Variants in GMDS observed in about 807,000 individuals in gnomAD.
GMDS encodes GDP-mannose 4,6 dehydratase.
In GMDS, 20 loss-of-function variants were observed where a neutral mutation model predicts 49.9. The ratio of observed to expected loss-of-function variants is 0.40; its 90% CI spans 0.28 to 0.58. The LOEUF is 0.58. Among genes scored for constraint, GMDS ranks in the 20% least tolerant of loss-of-function variants. GMDS has a pLI of 0.42. For missense variants in GMDS, 362 were observed against 481.4 expected, an observed-to-expected ratio of 0.75 and a Z score of 2.32; for synonymous variants, 177 against 178.6, an observed-to-expected ratio of 0.99 and a Z score of 0.07.
Position 1,879,567 on chromosome 6 carries a change from T to C in GMDS, c.771+50536A>G, listed in dbSNP as rs144908435. 3.0e-3 allele frequency among the ~76,000 whole-genome samples: 455 copies of C among 152,218 alleles called. 1 individual carries two copies. The highest frequency in any genetic ancestry group is 0.01 in the African/African-American group (420 of 41,502). ...GAAGACAGAAACCTATTCTTATTTC[T>C]TATTATGTTACCAAAGGTTTTTTTT... is the stretch of plus-strand genomic sequence containing the variant. On this transcript the variant is annotated intron_variant, in intron 7 of 10. Transcript: ENST00000380815.
intron 1 of GMDS, among the ~76,000 whole-genome samples, chr6:2,232,591 C>A (rs1386632083): frequency 6.6e-6 from 1 of 152,162 alleles, no homozygotes; most frequent in Non-Finnish European, 1.5e-5. Flanking sequence ...AGGTAGGAAG[C>A]CACAAAAACC....
chr6:1,692,612 A>T (rs1765212565), intron 9 of GMDS, among the ~76,000 whole-genome samples: 1 of 152,092 alleles, frequency 6.6e-6, no homozygotes, highest in South Asian at 2.1e-4. Flanking sequence ...TTTCTGTTTC[A>T]TATTACATAG....
intron 1 of GMDS, among the ~76,000 whole-genome samples, chr6:2,226,276 T>A (rs1164694609): frequency 6.6e-6 from 1 of 152,202 alleles, no homozygotes; most frequent in Non-Finnish European, 1.5e-5. Context: ...CAGAGACTCT[T>A]CTATAGTAGA....
chr6:1,633,469 A>G (rs1295311884), intron 9 of GMDS, among the ~76,000 whole-genome samples: 1 of 152,160 alleles, frequency 6.6e-6, no homozygotes, highest in Non-Finnish European at 1.5e-5. Context: ...TGGCAGCACA[A>G]GAGTTGGCGG....
intron 9 of GMDS, among the ~76,000 whole-genome samples, chr6:1,724,717 T>A (rs1415622254): frequency 6.6e-6 from 1 of 152,226 alleles, no homozygotes; most frequent in Non-Finnish European, 1.5e-5. Context: ...GAGAGTCAAA[T>A]GGCAGCACAG....
At chr6:2,018,841 G>T (rs1307383602) in intron 4 of GMDS, among the ~76,000 whole-genome samples, 1 of 151,828 alleles carries the variant, frequency 6.6e-6, no homozygotes, top group Non-Finnish European at 1.5e-5. Flanking sequence ...ATTTCTTTGG[G>T]GTATATATCT....
chr6:1,710,294 A>C (rs1273648171), intron 9 of GMDS, among the ~76,000 whole-genome samples: 1 of 152,194 alleles, frequency 6.6e-6, no homozygotes, highest in Non-Finnish European at 1.5e-5. Flanking sequence ...GCTTAACCAC[A>C]TTACTGCTGA....
Position 1,711,383 on chromosome 6 carries a change from A to G in GMDS, c.987+15033T>C, listed in dbSNP as rs561354565. Among the ~76,000 whole-genome samples, 7 of 152,358 alleles carry G rather than the reference A, an allele frequency of 4.6e-5. No individual in the cohort carries two copies. In the East Asian group the frequency reaches 1.2e-3, roughly 25 times the overall value. ...GGATGAGTCTGACGTACTAGGCTTA[A>G]GAACCATGGACTAGGGTAGCCACCC... On this transcript the variant is annotated intron_variant, in intron 9 of 10. Coordinates refer to ENST00000380815, the MANE Select transcript of GMDS (RefSeq NM_001500.4).
intron 7 of GMDS, among the ~76,000 whole-genome samples, chr6:1,775,209 C>A (rs1419912546): frequency 1.3e-5 from 2 of 152,076 alleles, no homozygotes; most frequent in African/African-American, 4.8e-5. Context: ...TTGGTAAGAC[C>A]CCACTACTCA....
intron 1 of GMDS, among the ~76,000 whole-genome samples, chr6:2,133,877 G>T (rs1256403261): frequency 1.3e-5 from 2 of 152,316 alleles, no homozygotes; most frequent in Admixed American, 1.3e-4. Context: ...GGCAAGGAGA[G>T]CTCCAAGTTA....
At chr6:1,941,335 A>T (rs1241605150) in intron 6 of GMDS, among the ~76,000 whole-genome samples, 2 of 152,066 alleles carry the variant, frequency 1.3e-5, no homozygotes, top group Non-Finnish European at 2.9e-5. Context: ...AACAAAACAT[A>T]AATGGTCAGA....
chr6:1,652,820 C>T (rs1460281134), intron 9 of GMDS, among the ~76,000 whole-genome samples: 1 of 132,720 alleles, frequency 7.5e-6, no homozygotes, highest in Non-Finnish European at 1.5e-5. Flanking sequence ...ACTGAGGTCT[C>T]CCTCCTGTCC....
intron 4 of GMDS, among the ~76,000 whole-genome samples, chr6:1,993,002 G>T (rs1028012195): frequency 6.6e-6 from 1 of 152,176 alleles, no homozygotes; most frequent in Non-Finnish European, 1.5e-5. Context: ...TGAAAAGAAA[G>T]AACTATTAAA....
chr6:1,624,734 T>A (rs1762793903), intron 9 of GMDS, 194 bp from the exon 10 acceptor site: 1 of 592,212 alleles, frequency 1.7e-6, no homozygotes, highest in East Asian at 2.9e-5. Context: ...CGGTTAAGAA[T>A]GTGCTGTGCG....
chr6:2,005,896 C>G (rs1384018402), intron 4 of GMDS, among the ~76,000 whole-genome samples: 1 of 152,196 alleles, frequency 6.6e-6, no homozygotes, highest in Non-Finnish European at 1.5e-5. Context: ...TCACTCCTAA[C>G]CAGGCTCTTT....
intron 4 of GMDS, among the ~76,000 whole-genome samples, chr6:2,102,960 T>C (rs1774010777): frequency 6.6e-6 from 1 of 152,262 alleles, no homozygotes; most frequent in South Asian, 2.1e-4. Flanking sequence ...AGATAATATC[T>C]GTGCATACAA....
Position 1,681,855 on chromosome 6 carries a change from G to A in GMDS, c.987+44561C>T, listed in dbSNP as rs548002218. On this transcript the variant is annotated intron_variant, in intron 9 of 10. Transcript: ENST00000380815. ...GGACTATAGGCACGCACCACAGTGT[G>A]CGGCTAATTTTTGTATTTCTTATAG... Among the ~76,000 whole-genome samples the A allele has an allele frequency of 7.2e-5, 11 of 152,320 alleles. No individual in the cohort carries two copies. The East Asian group carries it at 1.9e-3, about 27-fold the overall frequency.
At chr6:2,047,969 A>C (rs1002499901) in intron 4 of GMDS, among the ~76,000 whole-genome samples, 1 of 152,204 alleles carries the variant, frequency 6.6e-6, no homozygotes, top group Non-Finnish European at 1.5e-5. Flanking sequence ...AGCTATATCA[A>C]TGTTTCCATA....
At chr6:1,630,054 A>G (rs904695653) in intron 9 of GMDS, among the ~76,000 whole-genome samples, 2 of 152,256 alleles carry the variant, frequency 1.3e-5, no homozygotes, top group Admixed American at 6.5e-5. Flanking sequence ...CAACCTACAT[A>G]TAAATGGATC....
Sources: allele counts gnomAD v4.1 joint callset (sites outside exome capture counted in the v4.1 genomes callset), GRCh38; gene constraint gnomAD v4.1.1; transcripts MANE v1.5; gene names NCBI Gene and HGNC (gene_info 2026-07-23, HGNC 2026-07-21).